NKD1: variants seen among roughly 807,000 people sequenced by gnomAD.
NKD1 encodes the protein protein naked cuticle homolog 1.
Under a neutral mutation model 56.0 loss-of-function variants are expected in NKD1, and 21 were observed. The observed-to-expected ratio is 0.38, with a 90% CI of 0.27 to 0.54. The LOEUF (loss-of-function observed/expected upper bound fraction) is 0.54. NKD1 is among the 20% of genes least tolerant of loss of function. NKD1 has a pLI of 0.82. For missense variants in NKD1, 578 were observed against 642.7 expected (o/e 0.90, Z 1.09); for synonymous variants, 263 against 265.7 (o/e 0.99, Z 0.10).
chr16:50,628,039 C>T (rs1039257387), intron 6 of NKD1, among the ~76,000 whole-genome samples: 3 of 152,178 alleles, frequency 2.0e-5, no homozygotes, highest in Non-Finnish European at 4.4e-5. Context: ...CGGGCCTCGT[C>T]GAAAGAAGTG....
At position 50,598,949 on chromosome 16, in the gene NKD1, G is replaced by A. The variant is rs1251537661; in HGVS notation, c.193-9345G>A. ...GGGGCAGGATCAGTGGTGTGGTGGG[G>A]TCAGTGGTGTGGTGGGCAGTGGCTT... On this transcript the variant is annotated intron_variant, in intron 3 of 9. Coordinates refer to ENST00000268459, the MANE Select transcript of NKD1 (RefSeq NM_033119.5). The surrounding 1 kb of genome is among the most constrained non-coding windows in gnomAD (Gnocchi z 4.2). Among the ~76,000 whole-genome samples, 1 of 151,756 alleles carries A rather than the reference G, an allele frequency of 6.6e-6. No individual in the cohort carries two copies. The highest frequency in any genetic ancestry group is 6.6e-5 in the Admixed American group (1 of 15,248).
rs143219157 is a variant in NKD1 at position 50,549,531 on chromosome 16, G to A, written c.168G>A (p.Ala56=). The stretch of plus-strand genomic sequence containing the variant: ...CGGGACCCCGACAGCTGCGGTTGGC[G>A]GGCACCATAGGCCGAAGCACCCGGG... ...GVSGPRQLRL[A]GTIGRSTREL... is the part of the protein sequence containing the mutation. The change falls in exon 3 of 10, where the codon GCG becomes GCA. Residue 56 remains alanine, a synonymous_variant. Transcript: ENST00000268459. 1.1e-3 allele frequency: 1,806 copies of A among 1,605,062 alleles called. 1 individual carries two copies. The highest frequency in any genetic ancestry group is 1.4e-3 in the Non-Finnish European group (1,592 of 1,175,566).
intron 3 of NKD1, among the ~76,000 whole-genome samples, chr16:50,599,906 G>A (rs1961556734): frequency 6.6e-6 from 1 of 152,086 alleles, no homozygotes; most frequent in African/African-American, 2.4e-5. Context: ...TGGTGTTTTG[G>A]GTTTTTTTTC....
chr16:50,628,933 G>A (rs1558663), intron 6 of NKD1, among the ~76,000 whole-genome samples: 85,435 of 150,828 alleles, frequency 0.57, 25,814 homozygotes, highest in Non-Finnish European at 0.67. Flanking sequence ...ATGTGGTGGA[G>A]AGACCTCTTC....
rs1337964521 is a variant in NKD1, at chr16:50,598,486, C to T, written c.193-9808C>T. ...CATCCTTTCCCCACAGTGAGGTGGC[C>T]TATGGCTATGGGGCACCCTTCCTTG... On this transcript the variant is annotated intron_variant, in intron 3 of 9. Coordinates refer to ENST00000268459, the MANE Select transcript of NKD1 (RefSeq NM_033119.5). The surrounding 1 kb of genome is among the most constrained non-coding windows in gnomAD (Gnocchi z 4.2). Among the ~76,000 whole-genome samples the T allele has an allele frequency of 6.6e-6, 1 of 152,178 alleles. No individual in the cohort carries two copies. The highest frequency in any genetic ancestry group is 1.5e-5 in the Non-Finnish European group (1 of 68,030).
At chr16:50,585,494 C>G (rs1182590295) in intron 3 of NKD1, among the ~76,000 whole-genome samples, 1 of 152,234 alleles carries the variant, frequency 6.6e-6, no homozygotes, top group African/African-American at 2.4e-5. Flanking sequence ...GTGCCCTGGG[C>G]AGCAGGCCCG....
chr16:50,553,080 C>T (rs1960425984), intron 3 of NKD1, among the ~76,000 whole-genome samples: 1 of 152,192 alleles, frequency 6.6e-6, no homozygotes, highest in African/African-American at 2.4e-5. Context: ...ATCATAAACT[C>T]AGAGAGAAAC....
intron 3 of NKD1, among the ~76,000 whole-genome samples, chr16:50,596,567 T>C (rs1961476366): frequency 1.3e-5 from 2 of 152,370 alleles, no homozygotes; most frequent in South Asian, 2.1e-4. Context: ...TGTTAGGAAA[T>C]GTAATCACAT....
Position 50,549,409 on chromosome 16 carries a change from G to C in NKD1, c.59-13G>C. On this transcript the variant is annotated splice_polypyrimidine_tract_variant and intron_variant, in intron 2 of 9. Transcript: ENST00000268459. The stretch of plus-strand genomic sequence containing the variant: ...GAGCCAGACTCAGGGGCTTCATGTC[G>C]TCCCCGTCCCAGGTGACAGCTTCGC... 2 of 1,609,200 alleles carry C rather than the reference G, an allele frequency of 1.2e-6. No individual in the cohort carries two copies. Among genetic ancestry groups the C allele is most frequent in the South Asian group, 2.2e-5 (2 of 90,884 alleles).
chr16:50,579,999 A>G (rs892460154), intron 3 of NKD1, among the ~76,000 whole-genome samples: 9 of 150,674 alleles, frequency 6.0e-5, no homozygotes, highest in Admixed American at 4.6e-4. Context: ...CTAACCTGCT[A>G]CACACATGCA....
At chr16:50,556,626 G>C (rs769450912) in intron 3 of NKD1, 2 of 152,222 alleles carry the variant, frequency 1.3e-5, no homozygotes, top group Admixed American at 6.5e-5. Context: ...TCAGCCAAAG[G>C]CTCCCTGCCT....
intron 4 of NKD1, chr16:50,615,931 A>G: frequency 7.4e-6 from 3 of 402,740 alleles, no homozygotes; most frequent in South Asian, 5.3e-5. Flanking sequence ...ACTGCAAGAA[A>G]CCATTTGGCC....
At chr16:50,594,873 G>A (rs1241589979) in intron 3 of NKD1, among the ~76,000 whole-genome samples, 1 of 152,196 alleles carries the variant, frequency 6.6e-6, no homozygotes, top group East Asian at 1.9e-4. Flanking sequence ...CTATCAAAGG[G>A]TCTAAAGAAG....
At chr16:50,583,708 G>A (rs1961167730) in intron 3 of NKD1, among the ~76,000 whole-genome samples, 1 of 152,192 alleles carries the variant, frequency 6.6e-6, no homozygotes, top group African/African-American at 2.4e-5. Flanking sequence ...GTGTCCCCTG[G>A]CACATGGTAG....
intron 3 of NKD1, among the ~76,000 whole-genome samples, chr16:50,583,528 G>C (rs1306807340): frequency 6.6e-6 from 1 of 152,118 alleles, no homozygotes; most frequent in Non-Finnish European, 1.5e-5. Flanking sequence ...CAAGACTCAG[G>C]AGCTACCAGC....
chr16:50,590,130 C>T (rs1961331672), intron 3 of NKD1, among the ~76,000 whole-genome samples: 1 of 152,118 alleles, frequency 6.6e-6, no homozygotes, highest in Non-Finnish European at 1.5e-5. Context: ...CAGGAATGAG[C>T]CACTGTGCCT....
intron 3 of NKD1, among the ~76,000 whole-genome samples, chr16:50,576,676 C>A (rs1961000630): frequency 6.6e-6 from 1 of 150,968 alleles, no homozygotes; most frequent in African/African-American, 2.4e-5. Flanking sequence ...ACCCTTATCC[C>A]CAAATTCATT....
At chr16:50,575,380 C>T (rs747849150) in intron 3 of NKD1, 19 of 979,558 alleles carry the variant, frequency 1.9e-5, no homozygotes, top group South Asian at 4.7e-5. Flanking sequence ...AGAACATCAG[C>T]GCGAGGGTAA....
rs920212925 is a variant in NKD1 at position 50,560,298 on chromosome 16, C to T, written c.192+10743C>T. 5.9e-5 allele frequency among the ~76,000 whole-genome samples: 9 copies of T among 152,328 alleles called. No individual in the cohort carries two copies. The South Asian group carries it at 1.2e-3, about 21-fold the overall frequency. ...TCAGTGGCTGCAGGCTCAGTGTGCC[C>T]GCGAGCTGCCCACTGTGTGCATAGC... is the stretch of plus-strand genomic sequence containing the variant. On this transcript the variant is annotated intron_variant, in intron 3 of 9. Coordinates refer to ENST00000268459, the MANE Select transcript of NKD1 (RefSeq NM_033119.5).
Sources: allele counts gnomAD v4.1 joint callset (sites outside exome capture counted in the v4.1 genomes callset), GRCh38; gene constraint gnomAD v4.1.1; non-coding constraint Gnocchi (gnomAD v3.1); transcripts MANE v1.5; gene names NCBI Gene and HGNC (gene_info 2026-07-23, HGNC 2026-07-21).